The following IL1RL2 variants were observed in gnomAD, a reference collection of about 807,000 sequenced individuals.
The protein encoded by IL1RL2 is interleukin-1 receptor-like 2.
A neutral mutation model predicts 66.8 loss-of-function variants in IL1RL2; 68 were observed. That is an observed-to-expected ratio of 1.02 (90% confidence interval 0.84 to 1.25). IL1RL2 has a LOEUF of 1.25. Among genes scored for constraint, IL1RL2 ranks in the 50% most tolerant of loss-of-function variants. The probability of loss-of-function intolerance (pLI) is 0.00; values close to 1 mark genes in which losing one functional copy is unlikely to be tolerated. For synonymous variants in IL1RL2, 305 were observed against 264.6 expected (o/e 1.15, Z -1.48); for missense variants, 729 against 709.3 (o/e 1.03, Z -0.32).
chr2:102,197,240 G>A (rs1687864982), intron 4 of IL1RL2, among the ~76,000 whole-genome samples: 1 of 152,160 alleles, frequency 6.6e-6, no homozygotes, highest in Non-Finnish European at 1.5e-5. Context: ...TCTGGTTGAA[G>A]GCTTGCAGGA....
chr2:102,196,290 G>A (rs1367298765), intron 4 of IL1RL2, among the ~76,000 whole-genome samples: 2 of 152,046 alleles, frequency 1.3e-5, no homozygotes, highest in Non-Finnish European at 2.9e-5. Flanking sequence ...ACAACCCCTG[G>A]GCTTGCAAAT....
intron 6 of IL1RL2, among the ~76,000 whole-genome samples, chr2:102,214,759 A>G (rs1689459664): frequency 1.3e-5 from 2 of 152,184 alleles, no homozygotes; most frequent in Admixed American, 1.3e-4. Flanking sequence ...AAAAAGAGCC[A>G]TTTCCTTGTA....
intron 11 of IL1RL2, 71 bp from the exon 12 acceptor site, chr2:102,239,121 G>A (rs1312279054): frequency 2.2e-6 from 3 of 1,394,064 alleles, no homozygotes; most frequent in East Asian, 2.3e-5. Context: ...CATTCCCATG[G>A]CAGGTTTCCT....
intron 6 of IL1RL2, among the ~76,000 whole-genome samples, chr2:102,213,074 ATAGAAAGTTT>A (rs1192672847): frequency 6.6e-6 from 1 of 152,248 alleles, no homozygotes; most frequent in Non-Finnish European, 1.5e-5. Flanking sequence ...ATCTCACAAA[ATAGAAAGTTT>A]TATGTGTCTT....
rs761787292 is a variant in IL1RL2, at chr2:102,234,963, A to G, written c.1364A>G (p.Glu455Gly). ...CRRLIVIVVP[E>G]SLGFGLLKNL... ...AGGCTGATTGTCATTGTGGTCCCCG[A>G]ATCGCTGGGCTTTGGCCTGTTGAAG... The change falls in exon 11 of 12, where the codon GAA (glutamate) becomes GGA (glycine). Residue 455 changes from glutamate to glycine, a missense_variant. Coordinates refer to ENST00000264257, the MANE Select transcript of IL1RL2 (RefSeq NM_003854.4). 6.2e-7 allele frequency: 1 copy of G among 1,614,190 alleles called. No individual in the cohort carries two copies. The highest frequency in any genetic ancestry group is 1.7e-5 in the Admixed American group (1 of 60,018).
chr2:102,218,877 C>T, intron 6 of IL1RL2, 76 bp from the exon 7 acceptor site: 1 of 1,312,538 alleles, frequency 7.6e-7, no homozygotes, highest in Non-Finnish European at 1.1e-6. Flanking sequence ...GTACGATGCA[C>T]TTGTAATCCA....
intron 2 of IL1RL2, 32 bp from the exon 3 acceptor site, chr2:102,189,044 A>G (rs1329248792): frequency 1.3e-6 from 2 of 1,519,488 alleles, no homozygotes; most frequent in Non-Finnish European, 1.8e-6. Flanking sequence ...TCTTTCATGG[A>G]TAATTGTTTT....
rs1675131932 is a variant in IL1RL2 at position 102,239,308 on chromosome 2, A to G, written c.*67A>G. On this transcript the variant is annotated 3_prime_UTR_variant, in exon 12 of 12. Coordinates refer to ENST00000264257, the MANE Select transcript of IL1RL2 (RefSeq NM_003854.4). ...TTGCTCCATGTCTCCTCATTCCTAC[A>G]CCTATTTTCTGCTGCAGGATGAGGC... is the stretch of plus-strand genomic sequence containing the variant. The G allele has an allele frequency of 7.0e-7, 1 of 1,435,194 alleles. No individual in the cohort carries two copies. Among genetic ancestry groups the G allele is most frequent in the South Asian group, 1.1e-5 (1 of 87,386 alleles). 88.9% of individuals were successfully genotyped at this position (1,435,194 alleles called of 1,614,324 possible).
At chr2:102,230,305 A>G (rs1691006273) in intron 9 of IL1RL2, among the ~76,000 whole-genome samples, 1 of 152,322 alleles carries the variant, frequency 6.6e-6, no homozygotes, top group East Asian at 1.9e-4. Context: ...GGAAAGTCAA[A>G]TGTGTGCTAT....
At chr2:102,201,350 T>C (rs969575347) in intron 4 of IL1RL2, among the ~76,000 whole-genome samples, 1 of 152,094 alleles carries the variant, frequency 6.6e-6, no homozygotes, top group African/African-American at 2.4e-5. Flanking sequence ...CACACACACA[T>C]ATATACACAT....
At chr2:102,206,780 T>G (rs1156734476) in intron 5 of IL1RL2, among the ~76,000 whole-genome samples, 1 of 152,240 alleles carries the variant, frequency 6.6e-6, no homozygotes, top group Non-Finnish European at 1.5e-5. Flanking sequence ...AATCAGCCGG[T>G]GGCAAAGCCA....
At chr2:102,202,276 G>A (rs1688326316) in intron 5 of IL1RL2, among the ~76,000 whole-genome samples, 2 of 151,834 alleles carry the variant, frequency 1.3e-5, no homozygotes, top group South Asian at 4.2e-4. Context: ...AAGTAAATTA[G>A]CTCAAGCCAC....
rs201586085 is a variant in IL1RL2, at chr2:102,234,869, C to A, written c.1298-28C>A. 1.5e-4 allele frequency: 245 copies of A among 1,593,662 alleles called. No individual in the cohort carries two copies. In the East Asian group the frequency reaches 4.8e-3, roughly 31 times the overall value. Reference sequence around the variant, plus strand: ...ACCCGGGCTGTTTTAATTGTGAGTTCTTCTGAGCCTTCTTTCTTTATTTCC... The same window carrying A: ...ACCCGGGCTGTTTTAATTGTGAGTTATTCTGAGCCTTCTTTCTTTATTTCC... On this transcript the variant is annotated intron_variant, in intron 10 of 11. Transcript: ENST00000264257.
chr2:102,210,967 A>G (rs568450570), intron 5 of IL1RL2, among the ~76,000 whole-genome samples: 5 of 152,212 alleles, frequency 3.3e-5, no homozygotes, highest in Admixed American at 6.5e-5. Context: ...AGAAAAAGAC[A>G]GACTGAGAAA....
At chr2:102,214,534 A>G (rs1689441133) in intron 6 of IL1RL2, among the ~76,000 whole-genome samples, 1 of 152,220 alleles carries the variant, frequency 6.6e-6, no homozygotes, top group South Asian at 2.1e-4. Context: ...CATTTTATAG[A>G]TGGAACATAA....
At chr2:102,241,144 C>T (rs1282974774), downstream of IL1RL2, among the ~76,000 whole-genome samples, 1 of 152,240 alleles carries the variant, frequency 6.6e-6, no homozygotes, top group Non-Finnish European at 1.5e-5. Context: ...CTTCTCGGGG[C>T]TCTCCAACTT....
intron 9 of IL1RL2, among the ~76,000 whole-genome samples, chr2:102,232,061 C>G (rs1415404665): frequency 6.6e-6 from 1 of 150,752 alleles, no homozygotes; most frequent in Non-Finnish European, 1.5e-5. Flanking sequence ...CTTATTCTGT[C>G]ATCCAGGCTG....
chr2:102,209,803 C>T (rs1035514468), intron 5 of IL1RL2, among the ~76,000 whole-genome samples: 10 of 152,060 alleles, frequency 6.6e-5, no homozygotes, highest in Non-Finnish European at 1.2e-4. Flanking sequence ...ATAAAATATC[C>T]AAAAGAGTGC....
intron 6 of IL1RL2, 43 bp downstream of exon 6, chr2:102,212,217 G>C (rs959134615): frequency 2.2e-6 from 3 of 1,341,566 alleles, no homozygotes; most frequent in Non-Finnish European, 2.1e-6. Context: ...CAGGGGAAGA[G>C]CTCATTATGT....
Sources: allele counts gnomAD v4.1 joint callset (sites outside exome capture counted in the v4.1 genomes callset), GRCh38; gene constraint gnomAD v4.1.1; transcripts MANE v1.5; gene names NCBI Gene and HGNC (gene_info 2026-07-23, HGNC 2026-07-21).